Variants in ADGRB3 observed in about 807,000 individuals in gnomAD.
ADGRB3 encodes the protein brain-specific angiogenesis inhibitor 3.
A neutral mutation model predicts 193.4 loss-of-function variants in ADGRB3; 37 were observed. The observed-to-expected ratio is 0.19, with a 90% CI of 0.15 to 0.25. The LOEUF is 0.25. Ranked by LOEUF, ADGRB3 falls within the 10% of genes least tolerant of loss-of-function variation. The pLI is 1.00. For synonymous variants in ADGRB3, 690 were observed against 644.2 expected (o/e 1.07, Z -1.08); for missense variants, 1,637 against 1,852.9 (o/e 0.88, Z 2.14).
At chr6:69,345,223 T>C (rs1769059598) in intron 26 of ADGRB3, among the ~76,000 whole-genome samples, 1 of 152,162 alleles carries the variant, frequency 6.6e-6, no homozygotes, top group Non-Finnish European at 1.5e-5. Flanking sequence ...TCTAACATTT[T>C]GAGCTTGCTT....
intron 3 of ADGRB3, among the ~76,000 whole-genome samples, chr6:68,656,073 A>G (rs1180867957): frequency 1.3e-5 from 2 of 151,612 alleles, no homozygotes; most frequent in East Asian, 3.9e-4. Context: ...TCCTGAGCAG[A>G]GTCAATTGAA....
chr6:69,206,408 C>G (rs1765542410), intron 17 of ADGRB3, among the ~76,000 whole-genome samples: 1 of 152,050 alleles, frequency 6.6e-6, no homozygotes, highest in Admixed American at 6.5e-5. Context: ...CATCCAGGAT[C>G]AATACTTTGT....
At chr6:69,318,671 G>T (rs1029612071) in intron 20 of ADGRB3, among the ~76,000 whole-genome samples, 5 of 151,062 alleles carry the variant, frequency 3.3e-5, no homozygotes, top group Non-Finnish European at 7.4e-5. Flanking sequence ...GTTGGTGTAT[G>T]GAAAATGATA....
At chr6:68,714,532 A>G (rs545380993) in intron 3 of ADGRB3, among the ~76,000 whole-genome samples, 55 of 151,974 alleles carry the variant, frequency 3.6e-4, no homozygotes, top group Non-Finnish European at 5.9e-4. Context: ...TATTCTGTGT[A>G]CCACAAAACA....
chr6:68,810,236 G>A (rs898740644), intron 3 of ADGRB3, among the ~76,000 whole-genome samples: 5 of 152,026 alleles, frequency 3.3e-5, no homozygotes, highest in African/African-American at 1.2e-4. Context: ...GATTCCTTTC[G>A]GAAGTGAGAT....
At chr6:69,013,193 C>T (rs1769986714) in intron 11 of ADGRB3, among the ~76,000 whole-genome samples, 1 of 152,014 alleles carries the variant, frequency 6.6e-6, no homozygotes, top group Non-Finnish European at 1.5e-5. Context: ...AAAAATCCTT[C>T]ATGTGTGAAA....
At chr6:68,913,099 C>T (rs1766766853) in intron 3 of ADGRB3, among the ~76,000 whole-genome samples, 1 of 152,240 alleles carries the variant, frequency 6.6e-6, no homozygotes, top group Admixed American at 6.5e-5. Context: ...CCTCTGTAGG[C>T]TCCACCTCTG....
chr6:68,648,961 G>GAA (rs1462568377), intron 3 of ADGRB3, among the ~76,000 whole-genome samples: 1 of 151,900 alleles, frequency 6.6e-6, no homozygotes. Flanking sequence ...CTATCATTCA[G>GAA]AAAATGCTTT....
chr6:68,679,931 T>A (rs1255158173), intron 3 of ADGRB3, among the ~76,000 whole-genome samples: 1 of 152,150 alleles, frequency 6.6e-6, no homozygotes, highest in Non-Finnish European at 1.5e-5. Flanking sequence ...CATGTTGAAG[T>A]CCTAATCCCA....
At chr6:68,956,604 G>A (rs746143158) in intron 7 of ADGRB3, 41 bp from the exon 8 acceptor site, 2 of 1,610,568 alleles carry the variant, frequency 1.2e-6, no homozygotes, top group East Asian at 2.2e-5. Context: ...AAAGGAGTGT[G>A]TGGTAGATGA....
intron 3 of ADGRB3, among the ~76,000 whole-genome samples, chr6:68,650,384 A>G (rs754987584): frequency 1.3e-5 from 2 of 152,088 alleles, no homozygotes; most frequent in African/African-American, 2.4e-5. Context: ...CATAATACAC[A>G]TACGTTCATA....
At chr6:68,716,370 A>G (rs1424604828) in intron 3 of ADGRB3, among the ~76,000 whole-genome samples, 4 of 151,756 alleles carry the variant, frequency 2.6e-5, no homozygotes, top group Non-Finnish European at 5.9e-5. Flanking sequence ...TGATTCTTGC[A>G]ACTTCTTAGC....
At chr6:69,295,661 T>G (rs1561979836) in intron 20 of ADGRB3, among the ~76,000 whole-genome samples, 1 of 152,188 alleles carries the variant, frequency 6.6e-6, no homozygotes, top group African/African-American at 2.4e-5. Flanking sequence ...ACGCTGGTGA[T>G]GCCTCATGCA....
chr6:69,369,601 G>A (rs1335969231), intron 29 of ADGRB3, among the ~76,000 whole-genome samples: 1 of 151,844 alleles, frequency 6.6e-6, no homozygotes, highest in Non-Finnish European at 1.5e-5. Context: ...GGAGGGCTGA[G>A]GTGGAAGGAT....
chr6:68,821,517 T>C (rs1362192596), intron 3 of ADGRB3, among the ~76,000 whole-genome samples: 1 of 151,998 alleles, frequency 6.6e-6, no homozygotes, highest in Non-Finnish European at 1.5e-5. Flanking sequence ...ACTGGTCTCA[T>C]TTTGCCACTT....
intron 3 of ADGRB3, among the ~76,000 whole-genome samples, chr6:68,710,264 T>C (rs894423797): frequency 2.0e-5 from 3 of 152,190 alleles, no homozygotes; most frequent in Admixed American, 6.6e-5. Context: ...TATCTGGTTC[T>C]CTGAATGTTA....
At chr6:69,101,308 G>A (rs950305928) in intron 17 of ADGRB3, among the ~76,000 whole-genome samples, 1 of 152,122 alleles carries the variant, frequency 6.6e-6, no homozygotes, top group East Asian at 1.9e-4. Context: ...ATAATGTAGT[G>A]AAATAAAAAT....
intron 3 of ADGRB3, among the ~76,000 whole-genome samples, chr6:68,894,448 A>T (rs1766164380): frequency 6.6e-6 from 1 of 151,962 alleles, no homozygotes; most frequent in Non-Finnish European, 1.5e-5. Flanking sequence ...TTTCTAGACT[A>T]TGCCTCTTTA....
chr6:69,043,802 A>G (rs1771157133), intron 13 of ADGRB3, among the ~76,000 whole-genome samples: 2 of 152,260 alleles, frequency 1.3e-5, no homozygotes, highest in Non-Finnish European at 2.9e-5. Flanking sequence ...CGCACAACTT[A>G]TAAGATGAAC....
Sources: gnomAD v4.1 joint callset for allele counts (sites outside exome capture counted in the v4.1 genomes callset) on GRCh38, gnomAD v4.1.1 for gene constraint, MANE v1.5 for transcripts, NCBI Gene and HGNC (gene_info 2026-07-23, HGNC 2026-07-21) for gene names.